Variants in ADGRL3 observed in about 807,000 individuals in gnomAD.
The protein encoded by ADGRL3 is adhesion G protein-coupled receptor L3.
In ADGRL3, 62 loss-of-function variants were observed where a neutral mutation model predicts 153.5. The observed-to-expected ratio is 0.40, with a 90% CI of 0.33 to 0.50. The LOEUF (loss-of-function observed/expected upper bound fraction) is 0.50. ADGRL3 is among the 20% of genes least tolerant of loss of function. The pLI is 0.47. For synonymous variants in ADGRL3, 710 were observed against 672.5 expected (o/e 1.06, Z -0.86); for missense variants, 1,641 against 1,859.4 (o/e 0.88, Z 2.16).
chr4:61,258,113 C>T (rs1287242894), intron 1 of ADGRL3, among the ~76,000 whole-genome samples: 1 of 152,176 alleles, frequency 6.6e-6, no homozygotes, highest in Non-Finnish European at 1.5e-5. Context: ...TACTGATTAT[C>T]ACAAGAGATC....
intron 8 of ADGRL3, among the ~76,000 whole-genome samples, chr4:61,752,362 T>C (rs550133134): frequency 6.6e-6 from 1 of 151,974 alleles, no homozygotes; most frequent in East Asian, 1.9e-4. Context: ...GCCTATTATA[T>C]TGCCTATTAT....
At chr4:61,967,242 T>C (rs1169739255) in intron 17 of ADGRL3, among the ~76,000 whole-genome samples, 6 of 152,132 alleles carry the variant, frequency 3.9e-5, no homozygotes, top group Non-Finnish European at 5.9e-5. Context: ...GGCTATATTA[T>C]TGTGCATTTT....
intron 7 of ADGRL3, among the ~76,000 whole-genome samples, chr4:61,731,368 T>C (rs2096438725): frequency 6.6e-6 from 1 of 152,096 alleles, no homozygotes; most frequent in African/African-American, 2.4e-5. Flanking sequence ...TAAAAGCTAA[T>C]CACTAATGCC....
chr4:61,870,999 C>T (rs1174907200), intron 9 of ADGRL3, among the ~76,000 whole-genome samples: 2 of 152,164 alleles, frequency 1.3e-5, no homozygotes, highest in South Asian at 2.1e-4. Flanking sequence ...TATACGGGGG[C>T]CGGGCACGGT....
intron 2 of ADGRL3, among the ~76,000 whole-genome samples, chr4:61,411,644 T>C (rs759817795): frequency 6.6e-5 from 10 of 152,146 alleles, no homozygotes; most frequent in South Asian, 2.1e-4. Context: ...AATTTCTCTT[T>C]CCTTCCTTAT....
At chr4:62,057,698 GAC>G (rs1319645675) in intron 25 of ADGRL3, among the ~76,000 whole-genome samples, 2 of 152,154 alleles carry the variant, frequency 1.3e-5, no homozygotes, top group East Asian at 3.9e-4. Context: ...CATTTATTGA[GAC>G]AGGGTCTTGC....
At chr4:61,760,412 G>A (rs766859370) in intron 8 of ADGRL3, among the ~76,000 whole-genome samples, 1 of 152,180 alleles carries the variant, frequency 6.6e-6, no homozygotes, top group Non-Finnish European at 1.5e-5. Context: ...TCAGACTGCT[G>A]TTCTGGGAAT....
intron 5 of ADGRL3, among the ~76,000 whole-genome samples, chr4:61,663,709 TAAC>T (rs532574690): frequency 2.6e-5 from 4 of 152,308 alleles, no homozygotes. Context: ...CCTGTGACAA[TAAC>T]AAATTTTTTC....
chr4:62,038,884 T>C (rs1320477333), intron 24 of ADGRL3, among the ~76,000 whole-genome samples: 1 of 152,078 alleles, frequency 6.6e-6, no homozygotes, highest in African/African-American at 2.4e-5. Context: ...GCTGGAATTA[T>C]AGTTGTGAGT....
chr4:61,456,932 A>T (rs749475289), intron 2 of ADGRL3, among the ~76,000 whole-genome samples: 14 of 152,038 alleles, frequency 9.2e-5, no homozygotes, highest in Non-Finnish European at 1.3e-4. Context: ...CTACCAATAA[A>T]TATCTTTTTA....
chr4:61,914,442 G>T (rs1337985925), intron 13 of ADGRL3, among the ~76,000 whole-genome samples: 1 of 152,036 alleles, frequency 6.6e-6, no homozygotes, highest in African/African-American at 2.4e-5. Flanking sequence ...CCAAGAAACA[G>T]AAAAACTTGT....
At chr4:61,465,769 A>ATATATATATATG (rs2097873662) in intron 2 of ADGRL3, among the ~76,000 whole-genome samples, 2 of 145,916 alleles carry the variant, frequency 1.4e-5, no homozygotes, top group Admixed American at 1.4e-4. Flanking sequence ...ATATATATAT[A>ATATATATATATG]TATATATATC....
chr4:61,483,129 T>C (rs1055033005), intron 2 of ADGRL3, among the ~76,000 whole-genome samples: 1 of 152,152 alleles, frequency 6.6e-6, no homozygotes, highest in African/African-American at 2.4e-5. Flanking sequence ...AATGAGGCTG[T>C]TCTTTTTCAA....
chr4:62,021,342 G>A (rs984702000), intron 21 of ADGRL3, among the ~76,000 whole-genome samples: 17 of 152,198 alleles, frequency 1.1e-4, no homozygotes, highest in African/African-American at 3.9e-4. Flanking sequence ...TGCAATTAGC[G>A]AAACATTGCA....
chr4:61,516,683 A>G (rs542228351), intron 3 of ADGRL3, among the ~76,000 whole-genome samples: 2 of 152,262 alleles, frequency 1.3e-5, no homozygotes, highest in Admixed American at 1.3e-4. Flanking sequence ...TATAAATGGT[A>G]AAAATGTGTG....
chr4:61,355,997 C>T (rs1018902502), intron 1 of ADGRL3, among the ~76,000 whole-genome samples: 16 of 151,784 alleles, frequency 1.1e-4, no homozygotes, highest in Admixed American at 2.0e-4. Flanking sequence ...GATCCATATA[C>T]GGTAGGGATG....
At chr4:61,525,979 A>G (rs1338876516) in intron 4 of ADGRL3, among the ~76,000 whole-genome samples, 1 of 152,102 alleles carries the variant, frequency 6.6e-6, no homozygotes, top group East Asian at 1.9e-4. Context: ...AAAGAGATTG[A>G]TTGGGGATGA....
At chr4:61,970,155 C>T (rs1444851950) in intron 17 of ADGRL3, among the ~76,000 whole-genome samples, 1 of 152,070 alleles carries the variant, frequency 6.6e-6, no homozygotes, top group Non-Finnish European at 1.5e-5. Context: ...AGTATCACAT[C>T]ACAGTGTTTT....
chr4:61,400,588 T>G (rs2096918225), intron 2 of ADGRL3, among the ~76,000 whole-genome samples: 1 of 151,878 alleles, frequency 6.6e-6, no homozygotes, highest in East Asian at 1.9e-4. Context: ...CCAAACCAGT[T>G]ATTGTGCTGC....
Sources: allele counts gnomAD v4.1 joint callset (sites outside exome capture counted in the v4.1 genomes callset), GRCh38; gene constraint gnomAD v4.1.1; transcripts MANE v1.5; gene names NCBI Gene and HGNC (gene_info 2026-07-23, HGNC 2026-07-21).